LRMDA: variants seen among roughly 807,000 people sequenced by gnomAD.
LRMDA encodes leucine rich melanocyte differentiation associated, also known as leucine-rich melanocyte differentiation-associated protein.
A neutral mutation model predicts 29.8 loss-of-function variants in LRMDA; 18 were observed. That is an observed-to-expected ratio of 0.60 (90% CI 0.42 to 0.90). The LOEUF (loss-of-function observed/expected upper bound fraction) is 0.90, where lower values mean the gene tolerates loss of function less well. Ranked by LOEUF, LRMDA falls within the 40% of genes least tolerant of loss-of-function variation. LRMDA has a pLI of 0.00. For synonymous variants in LRMDA, 125 were observed against 109.4 expected, an observed-to-expected ratio of 1.14 and a Z score of -0.89; for missense variants, 273 against 273.9, an observed-to-expected ratio of 1.00 and a Z score of 0.02.
intron 2 of LRMDA, among the ~76,000 whole-genome samples, chr10:75,902,214 G>A (rs180784707): frequency 1.5e-3 from 226 of 152,314 alleles, no homozygotes; most frequent in African/African-American, 5.2e-3. Flanking sequence ...GTGGCACCAT[G>A]CACTATTGAG....
chr10:75,907,613 T>C (rs1419128425), intron 2 of LRMDA, among the ~76,000 whole-genome samples: 3 of 152,214 alleles, frequency 2.0e-5, no homozygotes, highest in African/African-American at 7.2e-5. Flanking sequence ...GATGGCATGG[T>C]ACGCTGCTGT....
chr10:76,492,240 G>C (rs918091690), intron 6 of LRMDA, among the ~76,000 whole-genome samples: 1 of 152,016 alleles, frequency 6.6e-6, no homozygotes, highest in Non-Finnish European at 1.5e-5. Flanking sequence ...TTCCTGGATT[G>C]TCTCAATGCT....
chr10:75,976,612 AG>A (rs970954932), intron 2 of LRMDA, among the ~76,000 whole-genome samples: 1 of 152,234 alleles, frequency 6.6e-6, no homozygotes, highest in African/African-American at 2.4e-5. Flanking sequence ...ACTAATAAGC[AG>A]TTAATATTTG....
At position 75,527,870 on chromosome 10, in the gene LRMDA, C is replaced by T. The variant is rs368467390; in HGVS notation, c.131+89376C>T. ...GGATTTTGGCTTACTGCAGCCTCGA[C>T]CTTCTGGGATCAAGTGATTCTCTCA... On this transcript the variant is annotated intron_variant, in intron 2 of 6. Transcript: ENST00000611255. Among the ~76,000 whole-genome samples the T allele has an allele frequency of 3.3e-5, 5 of 151,672 alleles. No homozygotes were observed. In the East Asian group the frequency reaches 5.8e-4, roughly 18 times the overall value.
chr10:75,576,075 C>T (rs897566804), intron 2 of LRMDA, among the ~76,000 whole-genome samples: 4 of 151,758 alleles, frequency 2.6e-5, no homozygotes, highest in Admixed American at 6.6e-5. Flanking sequence ...TCTGGCTTGG[C>T]GGGTCCCACC....
chr10:75,757,657 G>C (rs1843048697), intron 2 of LRMDA, among the ~76,000 whole-genome samples: 1 of 152,180 alleles, frequency 6.6e-6, no homozygotes, highest in South Asian at 2.1e-4. Flanking sequence ...GATTCACTGA[G>C]TTAAGATGGT....
chr10:75,971,966 A>T (rs1321466626), intron 2 of LRMDA, among the ~76,000 whole-genome samples: 1 of 152,208 alleles, frequency 6.6e-6, no homozygotes, highest in African/African-American at 2.4e-5. Context: ...AAACCCTCCA[A>T]ATGATCAGTC....
chr10:76,392,447 G>A (rs1841733786), intron 6 of LRMDA, among the ~76,000 whole-genome samples: 2 of 151,984 alleles, frequency 1.3e-5, no homozygotes, highest in Admixed American at 6.6e-5. Flanking sequence ...ATCTGAAATG[G>A]CACTGGAAGT....
chr10:75,767,235 C>G (rs1258055511), intron 2 of LRMDA, among the ~76,000 whole-genome samples: 1 of 152,118 alleles, frequency 6.6e-6, no homozygotes, highest in Admixed American at 6.5e-5. Flanking sequence ...TTCCACAATG[C>G]TAGAACTAAT....
intron 4 of LRMDA, among the ~76,000 whole-genome samples, chr10:76,048,758 T>A (rs1350092524): frequency 2.0e-5 from 3 of 152,234 alleles, no homozygotes; most frequent in Admixed American, 2.0e-4. Flanking sequence ...CTTCCTTTAC[T>A]GTCTCACACC....
intron 2 of LRMDA, among the ~76,000 whole-genome samples, chr10:76,007,009 TGTGTGTGTGTGTGTGTGTGTGTGC>T (rs1225344998): frequency 4.5e-5 from 5 of 110,636 alleles, no homozygotes; most frequent in South Asian, 7.9e-4. Context: ...TGTGTGTGTG[TGTGTGTGTGTGTGTGTGTGTGTGC>T]GCGTGTGTGT....
At chr10:75,576,764 T>C (rs763513389) in intron 2 of LRMDA, among the ~76,000 whole-genome samples, 1 of 152,116 alleles carries the variant, frequency 6.6e-6, no homozygotes, top group Non-Finnish European at 1.5e-5. Context: ...GGAGTGGACC[T>C]CCAGCAAACT....
intron 6 of LRMDA, among the ~76,000 whole-genome samples, chr10:76,531,373 T>A (rs1843232225): frequency 6.6e-6 from 1 of 152,292 alleles, no homozygotes; most frequent in South Asian, 2.1e-4. Context: ...TTTTTTCTAG[T>A]GGAGGAAATG....
At chr10:75,857,853 C>T (rs187046203) in intron 2 of LRMDA, among the ~76,000 whole-genome samples, 23 of 152,326 alleles carry the variant, frequency 1.5e-4, no homozygotes, top group African/African-American at 4.6e-4. Context: ...TTCATTCATA[C>T]GCTTGCTGTC....
At chr10:75,683,087 G>T (rs955525647) in intron 2 of LRMDA, among the ~76,000 whole-genome samples, 14 of 152,054 alleles carry the variant, frequency 9.2e-5, no homozygotes, top group African/African-American at 3.4e-4. Context: ...TGGAGTGCTG[G>T]GCTGAGCTTT....
chr10:76,297,672 TG>T (rs1840428283), intron 5 of LRMDA, among the ~76,000 whole-genome samples: 1 of 152,184 alleles, frequency 6.6e-6, no homozygotes, highest in South Asian at 2.1e-4. Context: ...ATCCTAAATA[TG>T]GGCAGCTGGT....
At chr10:75,863,824 G>C (rs1844974940) in intron 2 of LRMDA, among the ~76,000 whole-genome samples, 1 of 152,108 alleles carries the variant, frequency 6.6e-6, no homozygotes, top group Non-Finnish European at 1.5e-5. Context: ...AATGTGCTTG[G>C]GTATCCTCTA....
intron 2 of LRMDA, among the ~76,000 whole-genome samples, chr10:75,809,495 T>C (rs1484064491): frequency 6.6e-6 from 1 of 151,848 alleles, no homozygotes; most frequent in Non-Finnish European, 1.5e-5. Context: ...GTACAAAAAT[T>C]AGCCAGGCGT....
chr10:75,720,726 C>T (rs150385078), intron 2 of LRMDA, among the ~76,000 whole-genome samples: 6 of 152,258 alleles, frequency 3.9e-5, no homozygotes, highest in East Asian at 3.9e-4. Flanking sequence ...AATCACAGCT[C>T]GCATCTACTG....
Sources: allele counts gnomAD v4.1 joint callset (sites outside exome capture counted in the v4.1 genomes callset), GRCh38; gene constraint gnomAD v4.1.1; transcripts MANE v1.5; gene names NCBI Gene and HGNC (gene_info 2026-07-23, HGNC 2026-07-21).